The following TFAP4 variants were observed in gnomAD, a reference collection of about 807,000 sequenced individuals.
TFAP4 encodes transcription factor AP-4.
In TFAP4, 7 loss-of-function variants were observed where a neutral mutation model predicts 40.4. That is an observed-to-expected ratio of 0.17 (90% confidence interval 0.10 to 0.33). TFAP4 has a LOEUF of 0.33. Ranked by LOEUF, TFAP4 falls within the 10% of genes least tolerant of loss-of-function variation. TFAP4 has a pLI of 1.00. For missense variants in TFAP4, 374 were observed against 451.1 expected (o/e 0.83, Z 1.55); for synonymous variants, 218 against 181.4 (o/e 1.20, Z -1.62).
intron 1 of TFAP4, among the ~76,000 whole-genome samples, chr16:4,272,308 G>C (rs541549703): frequency 6.6e-6 from 1 of 152,180 alleles, no homozygotes; most frequent in South Asian, 2.1e-4. Flanking sequence ...GAGGAAGGAA[G>C]CCGCCGCAGG....
chr16:4,258,344 A>C, intron 6 of TFAP4, 95 bp from the exon 7 acceptor site: 2 of 1,233,474 alleles, frequency 1.6e-6, no homozygotes, highest in Non-Finnish European at 2.3e-6. Flanking sequence ...TCACCCCCAA[A>C]ACACATAGCC....
intron 1 of TFAP4, among the ~76,000 whole-genome samples, chr16:4,271,911 G>A (rs890219347): frequency 6.6e-6 from 1 of 152,198 alleles, no homozygotes; most frequent in Non-Finnish European, 1.5e-5. Context: ...GCAGGACACG[G>A]AGAACTACAG....
rs756925183 is a variant in TFAP4 at position 4,262,369 on chromosome 16, C to T, written c.309G>A (p.Lys103=). The T allele has an allele frequency of 6.2e-7, 1 of 1,614,228 alleles. No individual in the cohort carries two copies. The highest frequency in any genetic ancestry group is 8.5e-7 in the Non-Finnish European group (1 of 1,180,046). ...GTGTGTTCTGCTGCAAGAGCCTGGT[C>T]TTCTCCTGCTCCAGGGAGAAGATGT... ...AEYIFSLEQE[K]TRLLQQNTQL... The change falls in exon 3 of 7, where the codon AAG becomes AAA. Residue 103 remains lysine, a synonymous_variant. Transcript: ENST00000204517.
rs574429851 is a variant in TFAP4, at chr16:4,260,046, G to A, written c.822+44C>T. 54 of 1,578,940 alleles carry A rather than the reference G, an allele frequency of 3.4e-5. No homozygotes were observed. The Admixed American group carries it at 5.0e-4, about 15-fold the overall frequency. Reference sequence around the variant, plus strand: ...AGTCTCCCCTAAAGAGCCTGTTCCCGGAGTATGACCCCCACAAGCTGCCCC... The same window carrying A: ...AGTCTCCCCTAAAGAGCCTGTTCCCAGAGTATGACCCCCACAAGCTGCCCC... On this transcript the variant is annotated intron_variant, in intron 6 of 6. Transcript: ENST00000204517.
At chr16:4,258,546 G>A in intron 6 of TFAP4, 1 of 266,978 alleles carries the variant, frequency 3.7e-6, no homozygotes, top group Middle Eastern at 1.1e-3. Context: ...CTAGTAGCTG[G>A]AACCACAGGG....
At chr16:4,269,789 G>A (rs999869657) in intron 1 of TFAP4, among the ~76,000 whole-genome samples, 4 of 148,848 alleles carry the variant, frequency 2.7e-5, no homozygotes, top group Non-Finnish European at 4.4e-5. Flanking sequence ...CAGCCTGTGC[G>A]ACAGAGTGAG....
rs184773932 is a variant in TFAP4, at chr16:4,269,038, C to T, written c.89+3620G>A. Among the ~76,000 whole-genome samples the T allele has an allele frequency of 5.9e-5, 9 of 151,944 alleles. No individual in the cohort carries two copies. In the East Asian group the frequency reaches 1.6e-3, roughly 26 times the overall value. ...AAGGAGCTGAGACTACAGGCACATG[C>T]CACCATGCCGGGCTAATTTTTTTAT... On this transcript the variant is annotated intron_variant, in intron 1 of 6. Transcript: ENST00000204517.
intron 4 of TFAP4, 53 bp from the exon 5 acceptor site, chr16:4,260,648 C>G: frequency 2.6e-6 from 4 of 1,526,624 alleles, no homozygotes; most frequent in Non-Finnish European, 3.5e-6. Context: ...ACACCCTGCC[C>G]TGTCAGTCTC....
chr16:4,271,408 G>C (rs1017072660), intron 1 of TFAP4, among the ~76,000 whole-genome samples: 1 of 152,220 alleles, frequency 6.6e-6, no homozygotes, highest in African/African-American at 2.4e-5. Context: ...GCAGGAAAGG[G>C]GCCACAGGTC....
In TFAP4 at chr16:4,258,023, C is replaced by A; in HGVS notation, c.*32G>T. The stretch of plus-strand genomic sequence containing the variant: ...TGTGGCTGCCCCGGCTCCCTCCAGC[C>A]CCCAGAAGGGAGAGGAGGGCTGGGG... On this transcript the variant is annotated 3_prime_UTR_variant, in exon 7 of 7. Transcript: ENST00000204517. 6.3e-7 allele frequency: 1 copy of A among 1,597,140 alleles called. No homozygotes were observed. The highest frequency in any genetic ancestry group is 1.1e-5 in the South Asian group (1 of 89,760).
chr16:4,257,360 G>T lies in TFAP4; in HGVS notation c.*695C>A, dbSNP rs1227792357. The T allele has an allele frequency of 7.5e-6, 1 of 132,850 alleles. No individual in the cohort carries two copies. Among genetic ancestry groups the T allele is most frequent in the Non-Finnish European group, 1.6e-5 (1 of 60,740 alleles). 8.2% of individuals were successfully genotyped at this position (132,850 alleles called of 1,614,324 possible). On this transcript the variant is annotated 3_prime_UTR_variant, in exon 7 of 7. Coordinates refer to ENST00000204517, the MANE Select transcript of TFAP4 (RefSeq NM_003223.3). Reference sequence around the variant, plus strand: ...AAAAAAGAAAAACAAAACAAAAACAGAAAGCAAACCAAAAAGAAATAAAAA... The same window carrying T: ...AAAAAAGAAAAACAAAACAAAAACATAAAGCAAACCAAAAAGAAATAAAAA...
At chr16:4,271,497 C>G (rs906558580) in intron 1 of TFAP4, among the ~76,000 whole-genome samples, 2 of 152,242 alleles carry the variant, frequency 1.3e-5, no homozygotes, top group Non-Finnish European at 2.9e-5. Flanking sequence ...GATGTCCGGG[C>G]CCCAGCGATC....
Position 4,257,804 on chromosome 16 carries a change from AG to A in TFAP4, c.*250del, listed in dbSNP as rs2052908552. On this transcript the variant is annotated 3_prime_UTR_variant, in exon 7 of 7. Transcript: ENST00000204517. ...AGGCATCTCCGTGTCAGCTTCCTCC[AG>A]CCCCCGGGGCCGAGGCCCCGCCCTG... is the stretch of plus-strand genomic sequence containing the variant. The A allele has an allele frequency of 2.5e-6, 1 of 405,748 alleles. No homozygotes were observed. Among genetic ancestry groups the A allele is most frequent in the Admixed American group, 4.1e-5 (1 of 24,332 alleles). The allele number at this position is 405,748 out of a possible 1,614,324, so 25.1% of individuals were successfully genotyped here.
At chr16:4,261,645 C>T (rs2141090550) in intron 4 of TFAP4, 134 bp downstream of exon 4, 4 of 1,060,836 alleles carry the variant, frequency 3.8e-6, no homozygotes, top group South Asian at 1.8e-5. Flanking sequence ...GCTTGCTCCC[C>T]ACTCCTAGGC....
At chr16:4,258,313 G>A (rs1161995257) in intron 6 of TFAP4, 64 bp from the exon 7 acceptor site, 2 of 1,464,828 alleles carry the variant, frequency 1.4e-6, no homozygotes, top group Non-Finnish European at 1.8e-6. Flanking sequence ...GGAGACAGTG[G>A]GGGCTCTCAG....
intron 4 of TFAP4, among the ~76,000 whole-genome samples, chr16:4,261,444 TA>T (rs756652944): frequency 7.1e-6 from 1 of 140,266 alleles, no homozygotes; most frequent in African/African-American, 3.0e-5. Flanking sequence ...CACGCCCGGC[TA>T]ATTTTTTTTT....
Position 4,260,232 on chromosome 16 carries a change from G to A in TFAP4, c.680C>T (p.Pro227Leu), listed in dbSNP as rs763985363. ...CACCGTGGGGTGGTGGGTGGGGGCC[G>A]GAGGGGGCAGAAGCTGCAAGACAGA... ...QQLRTQLLPP[P>L]APTHHPTVIV... Residue 227 changes from proline to leucine, a missense_variant, in exon 6 of 7, where the codon CCG (proline) becomes CTG (leucine). Around this residue, in one of 6 missense-constraint regions of TFAP4, gnomAD observed 161 missense variants for 154.2 expected, o/e 1.04. Coordinates refer to ENST00000204517, the MANE Select transcript of TFAP4 (RefSeq NM_003223.3). 6 of 1,556,406 alleles carry A rather than the reference G, an allele frequency of 3.9e-6. No homozygotes were observed. Among genetic ancestry groups the A allele is most frequent in the South Asian group, 2.4e-5 (2 of 84,840 alleles).
intron 1 of TFAP4, 26 bp from the exon 2 acceptor site, chr16:4,262,727 C>T (rs375521966): frequency 3.7e-6 from 6 of 1,600,730 alleles, no homozygotes; most frequent in Middle Eastern, 1.7e-4. Flanking sequence ...GGGACAGGCT[C>T]GGCCAAGGCG....
chr16:4,272,838 G>T lies in TFAP4; in HGVS notation c.-92C>A. On this transcript the variant is annotated 5_prime_UTR_variant, in exon 1 of 7. Transcript: ENST00000204517. ...TCCGAATCAAAGGGCAGCGCCGGAC[G>T]GAGGTGCAGAATCGGCCGGTCCCAG... 1.6e-6 allele frequency: 2 copies of T among 1,224,454 alleles called. No individual in the cohort carries two copies. The highest frequency in any genetic ancestry group is 2.2e-6 in the Non-Finnish European group (2 of 891,564). The allele number at this position is 1,224,454 out of a possible 1,614,324, so 75.8% of individuals were successfully genotyped here. A position where few individuals can be genotyped will look rare whatever the true frequency, so the allele number is the denominator to read the frequency against.
Sources: allele counts gnomAD v4.1 joint callset (sites outside exome capture counted in the v4.1 genomes callset), GRCh38; gene constraint gnomAD v4.1.1; regional missense constraint gnomAD v4.1.1; transcripts MANE v1.5; gene names NCBI Gene and HGNC (gene_info 2026-07-23, HGNC 2026-07-21).